The following MRTFA variants were observed in gnomAD, a reference collection of about 807,000 sequenced individuals.
MRTFA encodes myocardin-related transcription factor A.
In MRTFA, 20 loss-of-function variants were observed where a neutral mutation model predicts 83.5. That is an observed-to-expected ratio of 0.24 (90% confidence interval 0.17 to 0.35). The LOEUF (loss-of-function observed/expected upper bound fraction) is 0.35, where lower values mean the gene tolerates loss of function less well. Ranked by LOEUF, MRTFA falls within the 10% of genes least tolerant of loss-of-function variation. The pLI, the probability that MRTFA is intolerant of heterozygous loss-of-function variation, is 1.00. For synonymous variants in MRTFA, 659 were observed against 541.2 expected, an observed-to-expected ratio of 1.22 and a Z score of -3.02; for missense variants, 1,200 against 1,224.7, an observed-to-expected ratio of 0.98 and a Z score of 0.30.
rs2052829100 is a variant in MRTFA at position 40,421,099 on chromosome 22, T to C, written c.929A>G (p.Gln310Arg). 5 of 1,529,422 alleles carry C rather than the reference T, an allele frequency of 3.3e-6. No individual in the cohort carries two copies. In the East Asian group the frequency reaches 9.2e-5, roughly 28 times the overall value. 94.7% of individuals were successfully genotyped at this position (1,529,422 alleles called of 1,614,324 possible). A position where few individuals can be genotyped will look rare whatever the true frequency, so the allele number is the denominator to read the frequency against. The stretch of plus-strand genomic sequence containing the variant: ...CTCACTGGCAGACTTGGGTTGGCTT[T>C]GCTGAGGGCACAGGAGACAGGGTGC... The change falls in exon 10 of 15, where the codon CAA becomes CGA. Residue 310 changes from glutamine to arginine, a missense_variant and splice_region_variant. By Grantham distance (43) the Gln-to-Arg change is conservative. Around this residue, in one of 2 missense-constraint regions of MRTFA, gnomAD observed 1,107 missense variants for 1,041.8 expected, o/e 1.06. Transcript: ENST00000355630.
chr22:40,501,710 G>A (rs200469247), intron 3 of MRTFA, among the ~76,000 whole-genome samples: 5,096 of 28,374 alleles, frequency 0.18, 886 homozygotes, highest in East Asian at 0.7. Context: ...CGGACAGGGC[G>A]GCTGGCCGGG....
intron 3 of MRTFA, among the ~76,000 whole-genome samples, chr22:40,534,308 ATC>A (rs755716939): frequency 1.7e-4 from 26 of 152,218 alleles, no homozygotes; most frequent in African/African-American, 5.5e-4. Flanking sequence ...CAATTAAAAT[ATC>A]TGTTTCAAAA....
chr22:40,457,466 G>GAA (rs2053611069), intron 4 of MRTFA, among the ~76,000 whole-genome samples: 1 of 148,752 alleles, frequency 6.7e-6, no homozygotes, highest in African/African-American at 2.5e-5. Flanking sequence ...AAGAAAGAAA[G>GAA]AAAGAAAGAA....
intron 4 of MRTFA, among the ~76,000 whole-genome samples, chr22:40,457,255 C>T (rs976576024): frequency 2.6e-5 from 4 of 151,902 alleles, no homozygotes; most frequent in African/African-American, 9.7e-5. Context: ...ATCTGAGCTA[C>T]TTGGGAGGCT....
intron 2 of MRTFA, among the ~76,000 whole-genome samples, chr22:40,581,724 A>T (rs2055950150): frequency 1.3e-5 from 2 of 152,138 alleles, no homozygotes; most frequent in African/African-American, 2.4e-5. Context: ...TTAATCCTAC[A>T]ATAGGAAAAA....
rs139136536 is a variant in MRTFA, at chr22:40,429,534, G to A, written c.601+72C>T. On this transcript the variant is annotated intron_variant, in intron 7 of 14. Coordinates refer to ENST00000355630, the MANE Select transcript of MRTFA (RefSeq NM_020831.6). ...AAGTCAAGAGCCTCAGCCCAATTCT[G>A]CTTCAGCCTGGCACTCCCTCCCCTC... is the stretch of plus-strand genomic sequence containing the variant. 577 of 1,573,280 alleles carry A rather than the reference G, an allele frequency of 3.7e-4. 2 individuals carry two copies. In the African/African-American group the frequency reaches 7.3e-3, roughly 20 times the overall value.
intron 3 of MRTFA, among the ~76,000 whole-genome samples, chr22:40,512,234 A>G (rs1156797012): frequency 2.0e-5 from 3 of 152,232 alleles, no homozygotes; most frequent in Non-Finnish European, 4.4e-5. Flanking sequence ...AGTGTCCTCA[A>G]AAAAGTTGTT....
At chr22:40,516,466 T>C (rs1163605286) in intron 3 of MRTFA, among the ~76,000 whole-genome samples, 1 of 139,296 alleles carries the variant, frequency 7.2e-6, no homozygotes, top group Admixed American at 7.2e-5. Flanking sequence ...AAAAAAAAAG[T>C]TTCTGAAAGC....
At chr22:40,631,287 A>G (rs2056638825) in intron 1 of MRTFA, among the ~76,000 whole-genome samples, 1 of 152,186 alleles carries the variant, frequency 6.6e-6, no homozygotes, top group Non-Finnish European at 1.5e-5. Context: ...TAATTCACCC[A>G]GTCAGTTCTA....
At chr22:40,527,813 C>T (rs1048563170) in intron 3 of MRTFA, among the ~76,000 whole-genome samples, 1 of 142,372 alleles carries the variant, frequency 7.0e-6, no homozygotes, top group African/African-American at 2.6e-5. Flanking sequence ...TCCAAAAAAA[C>T]AAGACTTTAT....
chr22:40,490,390 G>A (rs962205627), intron 3 of MRTFA, among the ~76,000 whole-genome samples: 14 of 152,246 alleles, frequency 9.2e-5, no homozygotes, highest in African/African-American at 2.6e-4. Flanking sequence ...CATGAGGTCA[G>A]GAGATCAAGA....
chr22:40,411,870 TGGCAGGGATGGC>T lies in MRTFA; in HGVS notation c.2604_2615del (p.Pro869_Pro872del), dbSNP rs1310299721. On this transcript the variant is annotated inframe_deletion, in exon 15 of 15. Coordinates refer to ENST00000355630, the MANE Select transcript of MRTFA (RefSeq NM_020831.6). ...TCTTCGGGGATGGCTTCTCCTTCCC[TGGCAGGGATGGC>T]GGCTCCTTGAAATCTGCTGAAATTT... The T allele has an allele frequency of 6.7e-7, 1 of 1,486,568 alleles. No individual in the cohort carries two copies. The highest frequency in any genetic ancestry group is 1.4e-5 in the African/African-American group (1 of 71,042). 92.1% of individuals were successfully genotyped at this position (1,486,568 alleles called of 1,614,324 possible). A position where few individuals can be genotyped will look rare whatever the true frequency, so the allele number is the denominator to read the frequency against.
At chr22:40,524,440 G>C (rs921979995) in intron 3 of MRTFA, among the ~76,000 whole-genome samples, 1 of 152,202 alleles carries the variant, frequency 6.6e-6, no homozygotes, top group Non-Finnish European at 1.5e-5. Context: ...ACTTCTGAGA[G>C]GTTCAGCAAA....
Position 40,593,728 on chromosome 22 carries a change from A to G in MRTFA, c.-22+946T>C, listed in dbSNP as rs569957765. Among the ~76,000 whole-genome samples the G allele has an allele frequency of 8.9e-4, 135 of 152,322 alleles. 1 individual carries two copies. The Middle Eastern group carries it at 0.02, about 23-fold the overall frequency. On this transcript the variant is annotated intron_variant, in intron 2 of 14. Coordinates refer to ENST00000355630, the MANE Select transcript of MRTFA (RefSeq NM_020831.6). ...TACTAATCTCTTCTTTGTGACTGAG[A>G]GAAAGCCAGTCTCAAGAACCTGTGC... is the stretch of plus-strand genomic sequence containing the variant.
chr22:40,538,985 CTTTTGTTTTTT>C (rs1477370778), intron 3 of MRTFA, among the ~76,000 whole-genome samples: 1 of 106,888 alleles, frequency 9.4e-6, no homozygotes, highest in African/African-American at 3.8e-5. Context: ...GATACACAGC[CTTTTGTTTTTT>C]TTTTTTTTTT....
At chr22:40,431,268 A>T in intron 6 of MRTFA, 137 bp downstream of exon 6, 2 of 743,434 alleles carry the variant, frequency 2.7e-6, no homozygotes, top group Non-Finnish European at 4.7e-6. Flanking sequence ...CAGCTGTCGT[A>T]CGGTGTTAAG....
At chr22:40,619,889 C>CAA (rs1213944103) in intron 1 of MRTFA, among the ~76,000 whole-genome samples, 7 of 52,396 alleles carry the variant, frequency 1.3e-4, no homozygotes, top group East Asian at 5.0e-4. Context: ...AACTCCGTCT[C>CAA]AAAAAAAAAA....
chr22:40,535,910 C>T (rs1173220231), intron 3 of MRTFA, among the ~76,000 whole-genome samples: 1 of 152,100 alleles, frequency 6.6e-6, no homozygotes, highest in Non-Finnish European at 1.5e-5. Flanking sequence ...ATAAACATAA[C>T]ATCTCAGTTG....
chr22:40,433,973 C>T (rs1040607218), intron 5 of MRTFA, among the ~76,000 whole-genome samples: 3 of 152,214 alleles, frequency 2.0e-5, no homozygotes, highest in Non-Finnish European at 4.4e-5. Context: ...AAAGGTTTGA[C>T]TCCCAGCTTT....
Sources: gnomAD v4.1 joint callset for allele counts (sites outside exome capture counted in the v4.1 genomes callset) on GRCh38, gnomAD v4.1.1 for gene constraint, gnomAD v4.1.1 regional missense constraint, MANE v1.5 for transcripts, NCBI Gene and HGNC (gene_info 2026-07-23, HGNC 2026-07-21) for gene names.